Variants in PDE10A observed in about 807,000 individuals in gnomAD.
The protein encoded by PDE10A is cAMP and cAMP-inhibited cGMP 3',5'-cyclic phosphodiesterase 10A.
Under a neutral mutation model 97.7 loss-of-function variants are expected in PDE10A, and 39 were observed. That is an observed-to-expected ratio of 0.40 (90% CI 0.31 to 0.52). The LOEUF (loss-of-function observed/expected upper bound fraction) is 0.52, where lower values mean the gene tolerates loss of function less well. Among genes scored for constraint, PDE10A ranks in the 20% least tolerant of loss-of-function variants. The pLI is 0.56. For synonymous variants in PDE10A, 371 were observed against 376.8 expected, an observed-to-expected ratio of 0.98 and a Z score of 0.18; for missense variants, 731 against 1,047.8, an observed-to-expected ratio of 0.70 and a Z score of 4.17.
chr6:165,703,186 TG>T (rs1213876900), intron 1 of PDE10A, among the ~76,000 whole-genome samples: 4 of 152,172 alleles, frequency 2.6e-5, no homozygotes, highest in African/African-American at 9.6e-5. Context: ...GTAACAACTT[TG>T]TTTGTCTATT....
intron 18 of PDE10A, among the ~76,000 whole-genome samples, chr6:165,369,423 G>A (rs1035740528): frequency 3.2e-4 from 48 of 151,664 alleles, no homozygotes; most frequent in African/African-American, 1.1e-3. Context: ...CAAGAACTAC[G>A]TGAAGAATGC....
At chr6:165,753,344 G>A (rs1007453028) in intron 1 of PDE10A, among the ~76,000 whole-genome samples, 2 of 152,162 alleles carry the variant, frequency 1.3e-5, no homozygotes, top group African/African-American at 4.8e-5. Flanking sequence ...CCGTATGTAC[G>A]TGGGTGGGGT....
chr6:165,334,102 T>C (rs1314633319), intron 21 of PDE10A, among the ~76,000 whole-genome samples: 1 of 152,252 alleles, frequency 6.6e-6, no homozygotes, highest in East Asian at 1.9e-4. Context: ...AATTTTGGTA[T>C]GTTTCCTTGG....
At chr6:165,416,023 T>A (rs1298294481) in intron 12 of PDE10A, among the ~76,000 whole-genome samples, 166 bp downstream of exon 12, 2 of 152,226 alleles carry the variant, frequency 1.3e-5, no homozygotes, top group Non-Finnish European at 2.9e-5. Flanking sequence ...ATTTTATAAA[T>A]ATCTGAATAT....
At chr6:165,952,338 G>A (rs1783990857) in intron 1 of PDE10A, among the ~76,000 whole-genome samples, 1 of 152,204 alleles carries the variant, frequency 6.6e-6, no homozygotes. Flanking sequence ...AAGAAACCAT[G>A]CATACATTAC....
intron 2 of PDE10A, among the ~76,000 whole-genome samples, chr6:165,521,133 T>C (rs1366554153): frequency 1.3e-5 from 2 of 152,214 alleles, no homozygotes; most frequent in African/African-American, 4.8e-5. Flanking sequence ...TAGTGATCTG[T>C]AATCAGTGAT....
At chr6:165,643,388 A>T (rs1789240472) in intron 1 of PDE10A, among the ~76,000 whole-genome samples, 1 of 152,164 alleles carries the variant, frequency 6.6e-6, no homozygotes, top group Non-Finnish European at 1.5e-5. Flanking sequence ...CCACATTCAC[A>T]GATGCTCTCC....
chr6:165,418,037 T>C lies in PDE10A; in HGVS notation c.1796+598A>G, dbSNP rs917426715. Among the ~76,000 whole-genome samples the C allele has an allele frequency of 6.6e-6, 1 of 152,164 alleles. No homozygotes were observed. Among genetic ancestry groups the C allele is most frequent in the African/African-American group, 2.4e-5 (1 of 41,424 alleles). The stretch of plus-strand genomic sequence containing the variant: ...TCCTTGTGTAGGTTTCCAGGTGCGA[T>C]ATGAGCAAGCCCCCATGCCTCCATC... On this transcript the variant is annotated intron_variant, in intron 11 of 21. Transcript: ENST00000539869. The surrounding 1 kb of genome is among the most constrained non-coding windows in gnomAD (Gnocchi z 4.8).
chr6:165,544,773 G>T (rs1583509661), intron 1 of PDE10A, among the ~76,000 whole-genome samples: 2 of 151,538 alleles, frequency 1.3e-5, no homozygotes, highest in African/African-American at 2.4e-5. Flanking sequence ...TAACTGAAAA[G>T]GAAAATGACT....
chr6:165,359,785 C>T (rs1783267368), intron 18 of PDE10A, among the ~76,000 whole-genome samples: 1 of 152,092 alleles, frequency 6.6e-6, no homozygotes, highest in Admixed American at 6.6e-5. Context: ...CTATATGTAA[C>T]ATCTGTCACA....
intron 18 of PDE10A, among the ~76,000 whole-genome samples, chr6:165,371,502 C>T (rs1784245974): frequency 6.6e-6 from 1 of 151,806 alleles, no homozygotes; most frequent in Admixed American, 6.6e-5. Flanking sequence ...TTCCTCGACA[C>T]ATACACTCTC....
intron 18 of PDE10A, among the ~76,000 whole-genome samples, chr6:165,355,471 C>T (rs1273821312): frequency 6.6e-6 from 1 of 152,134 alleles, no homozygotes; most frequent in Non-Finnish European, 1.5e-5. Context: ...AGTATGTAAC[C>T]ACTTTGCTCA....
Position 165,396,370 on chromosome 6 carries a change from C to A in PDE10A, c.2166G>T (p.Trp722Cys), listed in dbSNP as rs531156817. ...SYHSICTSEE[W>C]QGLMQFTLPV... is the part of the protein sequence containing the mutation. ...GAAGGGTGAATTGCATGAGACCTTG[C>A]CACTCTTCTGAAGTACAAATGCTAT... The change falls in exon 14 of 22, where the codon TGG becomes TGT. Residue 722 changes from tryptophan (W) to cysteine (C), a missense_variant. Trp to Cys is a radical substitution (Grantham distance 215, BLOSUM62 -2). Around this residue, in one of 8 missense-constraint regions of PDE10A, gnomAD observed 131 missense variants for 187.4 expected, o/e 0.70. Transcript: ENST00000539869. 3 of 1,613,344 alleles carry A rather than the reference C, an allele frequency of 1.9e-6. No homozygotes were observed. Among genetic ancestry groups the A allele is most frequent in the African/African-American group, 1.3e-5 (1 of 74,954 alleles).
At chr6:165,584,633 A>T (rs1785805118) in intron 1 of PDE10A, among the ~76,000 whole-genome samples, 1 of 152,208 alleles carries the variant, frequency 6.6e-6, no homozygotes, top group South Asian at 2.1e-4. Flanking sequence ...TGTCCTAATC[A>T]ACCACCTGGA....
chr6:165,713,071 C>T (rs1470913186), intron 1 of PDE10A, among the ~76,000 whole-genome samples: 1 of 152,210 alleles, frequency 6.6e-6, no homozygotes, highest in Non-Finnish European at 1.5e-5. Context: ...CGGCCTTGGT[C>T]ATTACAAAGA....
chr6:165,650,696 T>G (rs1789640466), intron 1 of PDE10A, among the ~76,000 whole-genome samples: 1 of 152,178 alleles, frequency 6.6e-6, no homozygotes, highest in Non-Finnish European at 1.5e-5. Flanking sequence ...TCACTTTGCC[T>G]ATGTGTGAGT....
At position 165,662,852 on chromosome 6, in the gene PDE10A, A is replaced by C. The variant is rs1300937494; in HGVS notation, c.-41T>G. The stretch of plus-strand genomic sequence containing the variant: ...CGCGGAGGGGCAGGCCGCGGGCGGG[A>C]GGGGCGCGGCGGGCCGGGGCTCGGT... On this transcript the variant is annotated 5_prime_UTR_variant, in exon 1 of 22. Coordinates refer to ENST00000539869, the MANE Select transcript of PDE10A (RefSeq NM_001385079.1). Among the ~76,000 whole-genome samples, 10 of 141,348 alleles carry C rather than the reference A, an allele frequency of 7.1e-5. No individual in the cohort carries two copies. The highest frequency in any genetic ancestry group is 1.1e-4 in the African/African-American group (4 of 37,818). The allele number at this position is 141,348 out of a possible 152,430, so 92.7% of individuals were successfully genotyped here.
At chr6:165,837,065 G>T (rs1780081720) in intron 1 of PDE10A, among the ~76,000 whole-genome samples, 1 of 116,270 alleles carries the variant, frequency 8.6e-6, no homozygotes. Context: ...GGGGGGAGGG[G>T]GGAGGGATAG....
intron 1 of PDE10A, among the ~76,000 whole-genome samples, chr6:165,987,046 C>A (rs2128505540): frequency 6.6e-6 from 1 of 152,200 alleles, no homozygotes; most frequent in African/African-American, 2.4e-5. Flanking sequence ...CCACTGAGAA[C>A]TGGAGAAGGG....
Sources: allele counts gnomAD v4.1 joint callset (sites outside exome capture counted in the v4.1 genomes callset), GRCh38; gene constraint gnomAD v4.1.1; regional missense constraint gnomAD v4.1.1; non-coding constraint Gnocchi (gnomAD v3.1); transcripts MANE v1.5; gene names NCBI Gene and HGNC (gene_info 2026-07-23, HGNC 2026-07-21).